The following SLC25A33 variants were observed in gnomAD, a reference collection of about 807,000 sequenced individuals.
SLC25A33 encodes solute carrier family 25 member 33.
SLC25A33 carries 15 observed loss-of-function variants against 35.5 expected under a neutral mutation model. The ratio of observed to expected loss-of-function variants is 0.42; its 90% confidence interval spans 0.28 to 0.65. SLC25A33 has a LOEUF of 0.65. Ranked by LOEUF, SLC25A33 falls within the 30% of genes least tolerant of loss-of-function variation. The pLI is 0.20. For synonymous variants in SLC25A33, 136 were observed against 148.7 expected (o/e 0.91, Z 0.62); for missense variants, 257 against 398.5 (o/e 0.64, Z 3.02).
Position 9,584,017 on chromosome 1 carries a change from T to C in SLC25A33, c.*1516T>C, listed in dbSNP as rs914875147. On this transcript the variant is annotated 3_prime_UTR_variant, in exon 7 of 7. Transcript: ENST00000302692. The stretch of plus-strand genomic sequence containing the variant: ...CTCAAAAAAAAAAAAAAAACCAGGA[T>C]GTTACCCCCTTGGTTTTAAAGCAAA... The C allele has an allele frequency of 3.4e-5, 5 of 148,408 alleles. No homozygotes were observed. Among genetic ancestry groups the C allele is most frequent in the Admixed American group, 2.0e-4 (3 of 14,880 alleles). 9.2% of individuals were successfully genotyped at this position (148,408 alleles called of 1,614,324 possible).
intron 1 of SLC25A33, among the ~76,000 whole-genome samples, chr1:9,549,826 G>A (rs1263670965): frequency 2.0e-5 from 3 of 149,470 alleles, no homozygotes; most frequent in Non-Finnish European, 4.4e-5. Flanking sequence ...TCAGCACGTT[G>A]GTCAGGCTGG....
Position 9,584,047 on chromosome 1 carries a change from A to G in SLC25A33, c.*1546A>G, listed in dbSNP as rs1436483331. The G allele has an allele frequency of 1.3e-5, 2 of 152,168 alleles. No individual in the cohort carries two copies. The highest frequency in any genetic ancestry group is 3.9e-4 in the East Asian group (2 of 5,178). The allele number at this position is 152,168 out of a possible 1,614,324, so 9.4% of individuals were successfully genotyped here. On this transcript the variant is annotated 3_prime_UTR_variant, in exon 7 of 7. Coordinates refer to ENST00000302692, the MANE Select transcript of SLC25A33 (RefSeq NM_032315.3). ...CCCCCTTGGTTTTAAAGCAAATTTAATAAGGGAACAAAAAGATGATACTAA... is the reference window on the plus strand; with the variant it reads ...CCCCCTTGGTTTTAAAGCAAATTTAGTAAGGGAACAAAAAGATGATACTAA...
chr1:9,539,647 C>G lies in SLC25A33; in HGVS notation c.-45C>G. 1 of 1,318,806 alleles carries G rather than the reference C, an allele frequency of 7.6e-7. No homozygotes were observed. Among genetic ancestry groups the G allele is most frequent in the African/African-American group, 1.6e-5 (1 of 64,004 alleles). 81.7% of individuals were successfully genotyped at this position (1,318,806 alleles called of 1,614,324 possible). ...CTCGCGCATCCCTCGAGCCGCCACG[C>G]GCTCTCGCCACCGGGCGGCGACGGG... On this transcript the variant is annotated 5_prime_UTR_variant, in exon 1 of 7. Transcript: ENST00000302692.
At position 9,562,796 on chromosome 1, in the gene SLC25A33, T is replaced by C. The variant is rs1350341718; in HGVS notation, c.237-4488T>C. Among the ~76,000 whole-genome samples, 4 of 146,924 alleles carry C rather than the reference T, an allele frequency of 2.7e-5. No individual in the cohort carries two copies. The Admixed American group carries it at 2.7e-4, about 10-fold the overall frequency. On this transcript the variant is annotated intron_variant, in intron 2 of 6. Transcript: ENST00000302692. ...TGAACCTGGGAGGCAGAGGTTGTGGTGAGCCAAGATCGCGCCATTGCACTC... is the reference window on the plus strand; with the variant it reads ...TGAACCTGGGAGGCAGAGGTTGTGGCGAGCCAAGATCGCGCCATTGCACTC...
chr1:9,577,625 G>A (rs931261398), intron 5 of SLC25A33, among the ~76,000 whole-genome samples: 7 of 152,140 alleles, frequency 4.6e-5, no homozygotes, highest in East Asian at 1.9e-4. Flanking sequence ...AGGGGAGCCC[G>A]ATCCTTCCCA....
intron 1 of SLC25A33, among the ~76,000 whole-genome samples, chr1:9,550,105 T>C (rs1173745965): frequency 7.2e-6 from 1 of 139,842 alleles, no homozygotes; most frequent in Non-Finnish European, 1.5e-5. Context: ...CTTGACCTCC[T>C]TGGGTTCAGG....
chr1:9,563,064 G>A (rs953810693), intron 2 of SLC25A33, among the ~76,000 whole-genome samples: 5 of 151,532 alleles, frequency 3.3e-5, no homozygotes, highest in African/African-American at 9.7e-5. Context: ...GACTACAGGC[G>A]CCCACTACCA....
intron 1 of SLC25A33, among the ~76,000 whole-genome samples, chr1:9,550,008 T>TGTATATATATATATATATAC (rs1643241313): frequency 4.2e-5 from 3 of 70,806 alleles, no homozygotes; most frequent in African/African-American, 1.7e-4. Context: ...TATATATATA[T>TGTATATATATATATATATAC]ATATTTTTTT....
chr1:9,559,704 G>A (rs1643393902), intron 2 of SLC25A33, among the ~76,000 whole-genome samples: 1 of 152,094 alleles, frequency 6.6e-6, no homozygotes, highest in Non-Finnish European at 1.5e-5. Context: ...GCTTTAGGGG[G>A]GCTTAACAGA....
At chr1:9,567,415 C>T in intron 3 of SLC25A33, 54 bp downstream of exon 3, 1 of 1,506,778 alleles carries the variant, frequency 6.6e-7, no homozygotes, top group South Asian at 1.2e-5. Flanking sequence ...AATTCTGGGT[C>T]CTTTCTTACC....
At chr1:9,579,763 G>C (rs948408368) in intron 5 of SLC25A33, among the ~76,000 whole-genome samples, 191 bp from the exon 6 acceptor site, 2 of 152,196 alleles carry the variant, frequency 1.3e-5, no homozygotes, top group African/African-American at 4.8e-5. Flanking sequence ...GAGATCAAGG[G>C]ACTGTCAGAG....
chr1:9,562,992 C>T (rs1477086781), intron 2 of SLC25A33, among the ~76,000 whole-genome samples: 1 of 148,956 alleles, frequency 6.7e-6, no homozygotes. Context: ...AATCTCGGCT[C>T]ACTGCAAGCT....
chr1:9,550,286 C>T (rs1643248015), intron 1 of SLC25A33, among the ~76,000 whole-genome samples: 1 of 149,326 alleles, frequency 6.7e-6, no homozygotes, highest in African/African-American at 2.5e-5. Context: ...GTCACTGATT[C>T]GCTGTTACTA....
chr1:9,541,901 G>C (rs913213306), intron 1 of SLC25A33, among the ~76,000 whole-genome samples: 1 of 151,698 alleles, frequency 6.6e-6, no homozygotes, highest in Non-Finnish European at 1.5e-5. Context: ...CTGGGTTCAC[G>C]CCATTCTCCC....
At chr1:9,556,717 G>A (rs1280069287) in intron 2 of SLC25A33, among the ~76,000 whole-genome samples, 1 of 151,906 alleles carries the variant, frequency 6.6e-6, no homozygotes. Context: ...GTGTGTCTGT[G>A]TGTCTGTGTG....
At position 9,553,628 on chromosome 1, in the gene SLC25A33, G is replaced by T. The variant is rs1192912225; in HGVS notation, c.59G>T (p.Cys20Phe). ...NTLLHLFAGG[C>F]GGTVGAIFTC... Reference sequence around the variant, plus strand: ...ATCTGCTTTGGTTTCCCTTACAGGTGTGGAGGCACAGTTGGTGCTATTTTC... The same window carrying T: ...ATCTGCTTTGGTTTCCCTTACAGGTTTGGAGGCACAGTTGGTGCTATTTTC... Residue 20 changes from cysteine (C) to phenylalanine (F), a missense_variant and splice_region_variant, in exon 2 of 7, where the codon TGT becomes TTT. Physicochemically the swap from Cys to Phe is radical, Grantham distance 205. Transcript: ENST00000302692. 1 of 1,612,976 alleles carries T rather than the reference G, an allele frequency of 6.2e-7. No individual in the cohort carries two copies. The highest frequency in any genetic ancestry group is 2.2e-5 in the East Asian group (1 of 44,894).
chr1:9,548,359 AT>A (rs1225200803), intron 1 of SLC25A33, among the ~76,000 whole-genome samples: 1 of 152,180 alleles, frequency 6.6e-6, no homozygotes, highest in Non-Finnish European at 1.5e-5. Flanking sequence ...AGGCGGGCGC[AT>A]CTCCTGAGGT....
rs1466223592 is a variant in SLC25A33 at position 9,578,077 on chromosome 1, C to G, written c.483-1877C>G. Among the ~76,000 whole-genome samples, 1 of 152,186 alleles carries G rather than the reference C, an allele frequency of 6.6e-6. No homozygotes were observed. The highest frequency in any genetic ancestry group is 6.5e-5 in the Admixed American group (1 of 15,268). ...AGCTGGGAAGTGCCCGCCACCATGC[C>G]CGGCTAATTTTTTGTATTTTTTAGT... On this transcript the variant is annotated intron_variant, in intron 5 of 6. Coordinates refer to ENST00000302692, the MANE Select transcript of SLC25A33 (RefSeq NM_032315.3). This position sits in a 1 kb window ranked among gnomAD's most constrained non-coding sequence, Gnocchi z 4.3.
At chr1:9,572,269 A>C (rs115705379) in intron 4 of SLC25A33, among the ~76,000 whole-genome samples, 3,151 of 152,260 alleles carry the variant, frequency 0.021, 105 homozygotes, top group African/African-American at 0.071. Context: ...ACTTTTGCAA[A>C]GTTAACTTAG....
Sources: allele counts gnomAD v4.1 joint callset (sites outside exome capture counted in the v4.1 genomes callset), GRCh38; gene constraint gnomAD v4.1.1; non-coding constraint Gnocchi (gnomAD v3.1); transcripts MANE v1.5; gene names NCBI Gene and HGNC (gene_info 2026-07-23, HGNC 2026-07-21).